FHIT: variants seen among roughly 807,000 people sequenced by gnomAD.
FHIT encodes fragile histidine triad diadenosine triphosphatase, also known as bis(5'-adenosyl)-triphosphatase.
In FHIT, 19 loss-of-function variants were observed where a neutral mutation model predicts 17.9. That is an observed-to-expected ratio of 1.06 (90% CI 0.74 to 1.56). The LOEUF is 1.56. Ranked by LOEUF, FHIT falls within the 40% of genes most tolerant of loss-of-function variation. FHIT has a pLI of 0.00. For synonymous variants in FHIT, 81 were observed against 69.7 expected, an observed-to-expected ratio of 1.16 and a Z score of -0.81; for missense variants, 248 against 189.2, an observed-to-expected ratio of 1.31 and a Z score of -1.82.
intron 5 of FHIT, among the ~76,000 whole-genome samples, chr3:60,517,484 G>A (rs1022161226): frequency 6.6e-6 from 1 of 152,122 alleles, no homozygotes; most frequent in African/African-American, 2.4e-5. Flanking sequence ...TAAAACTACA[G>A]GCGGCTGACC....
chr3:59,915,262 G>A (rs1007291073), intron 8 of FHIT, among the ~76,000 whole-genome samples: 15 of 152,290 alleles, frequency 9.8e-5, no homozygotes, highest in African/African-American at 2.6e-4. Flanking sequence ...AGCCTGATTC[G>A]TGAAATAATG....
chr3:60,639,719 G>T (rs184876551), intron 4 of FHIT, among the ~76,000 whole-genome samples: 1 of 152,170 alleles, frequency 6.6e-6, no homozygotes, highest in African/African-American at 2.4e-5. Context: ...TATTTGGGCA[G>T]ATTAAAAATT....
chr3:60,127,415 A>G (rs1292695298), intron 5 of FHIT, among the ~76,000 whole-genome samples: 1 of 152,094 alleles, frequency 6.6e-6, no homozygotes, highest in Non-Finnish European at 1.5e-5. Flanking sequence ...CAAGTGATTA[A>G]AATAACTTCC....
At chr3:60,381,822 C>A (rs1483186656) in intron 5 of FHIT, among the ~76,000 whole-genome samples, 2 of 151,954 alleles carry the variant, frequency 1.3e-5, no homozygotes, top group Non-Finnish European at 2.9e-5. Context: ...CTCTGTAACT[C>A]TGTAACTCTG....
chr3:59,786,769 A>G (rs1575492367), intron 8 of FHIT, among the ~76,000 whole-genome samples: 1 of 152,242 alleles, frequency 6.6e-6, no homozygotes, highest in African/African-American at 2.4e-5. Context: ...CACAATTTTT[A>G]CTAATACAGT....
At chr3:60,069,152 G>C (rs1702650151) in intron 5 of FHIT, among the ~76,000 whole-genome samples, 1 of 152,120 alleles carries the variant, frequency 6.6e-6, no homozygotes. Context: ...ATTAAGTCAT[G>C]AAACAGTGCT....
intron 2 of FHIT, among the ~76,000 whole-genome samples, chr3:61,158,149 T>A (rs2037583545): frequency 6.6e-6 from 1 of 152,234 alleles, no homozygotes; most frequent in South Asian, 2.1e-4. Context: ...CCATACATTT[T>A]CTTTTCTACT....
At chr3:60,564,007 AGAG>A (rs926680109) in intron 4 of FHIT, among the ~76,000 whole-genome samples, 16 of 152,290 alleles carry the variant, frequency 1.1e-4, no homozygotes, top group African/African-American at 1.4e-4. Context: ...TCCTAGCTAG[AGAG>A]GAGAAGTTAG....
intron 5 of FHIT, among the ~76,000 whole-genome samples, chr3:60,500,370 G>A (rs1425603757): frequency 1.3e-5 from 2 of 152,168 alleles, no homozygotes; most frequent in Non-Finnish European, 2.9e-5. Context: ...TGCTTTTAAA[G>A]GAGTTCTGGT....
intron 4 of FHIT, among the ~76,000 whole-genome samples, chr3:60,803,849 G>A (rs1250584864): frequency 6.6e-6 from 1 of 152,198 alleles, no homozygotes; most frequent in Non-Finnish European, 1.5e-5. Context: ...GCACCGAACA[G>A]GCCAAGCCTT....
At chr3:60,583,148 G>A (rs541910165) in intron 4 of FHIT, among the ~76,000 whole-genome samples, 3 of 151,914 alleles carry the variant, frequency 2.0e-5, no homozygotes, top group Admixed American at 6.6e-5. Flanking sequence ...GAGGTGATTC[G>A]GGCAGAATGA....
intron 1 of FHIT, among the ~76,000 whole-genome samples, chr3:61,249,996 T>C (rs1193021347): frequency 7.0e-6 from 1 of 143,098 alleles, no homozygotes; most frequent in Non-Finnish European, 1.5e-5. Context: ...ACACAAACCC[T>C]AGACTTCTTT....
chr3:60,129,049 G>T (rs79855184), intron 5 of FHIT, among the ~76,000 whole-genome samples: 1,839 of 120,436 alleles, frequency 0.015, 48 homozygotes, highest in African/African-American at 0.051. Context: ...TTCCTTTTTT[G>T]TTTGTTTTTT....
At chr3:61,056,159 C>G (rs555514476) in intron 2 of FHIT, among the ~76,000 whole-genome samples, 1 of 152,146 alleles carries the variant, frequency 6.6e-6, no homozygotes, top group African/African-American at 2.4e-5. Context: ...GGATGGCTCA[C>G]GCCTGTAATC....
At chr3:60,368,194 T>TAAAA (rs111332497) in intron 5 of FHIT, among the ~76,000 whole-genome samples, 1 of 122,394 alleles carries the variant, frequency 8.2e-6, no homozygotes, top group Non-Finnish European at 1.6e-5. Flanking sequence ...ACATATCTTT[T>TAAAA]TAAAAAAAAA....
intron 3 of FHIT, among the ~76,000 whole-genome samples, chr3:60,922,605 G>A (rs1208898496): frequency 6.6e-6 from 1 of 152,070 alleles, no homozygotes; most frequent in Non-Finnish European, 1.5e-5. Flanking sequence ...TTGTCTATCT[G>A]CTCAAATTTT....
At chr3:60,624,480 T>C (rs1473606201) in intron 4 of FHIT, among the ~76,000 whole-genome samples, 2 of 152,148 alleles carry the variant, frequency 1.3e-5, no homozygotes, top group Non-Finnish European at 1.5e-5. Context: ...TCTGAGCAAG[T>C]TTTATAGTTT....
At chr3:60,506,177 G>C (rs569864633) in intron 5 of FHIT, among the ~76,000 whole-genome samples, 1 of 152,112 alleles carries the variant, frequency 6.6e-6, no homozygotes, top group Admixed American at 6.6e-5. Flanking sequence ...CTTTTTATAT[G>C]GTAGGCACTA....
chr3:61,221,430 G>A (rs895419493), intron 1 of FHIT, among the ~76,000 whole-genome samples: 2 of 152,206 alleles, frequency 1.3e-5, no homozygotes, highest in Admixed American at 6.5e-5. Context: ...TTATAAGGAA[G>A]GCAAAACCAG....
Sources: allele counts gnomAD v4.1 joint callset (sites outside exome capture counted in the v4.1 genomes callset), GRCh38; gene constraint gnomAD v4.1.1; transcripts MANE v1.5; gene names NCBI Gene and HGNC (gene_info 2026-07-23, HGNC 2026-07-21).